The following BABAM2 variants were observed in gnomAD, a reference collection of about 807,000 sequenced individuals.
BABAM2 encodes the protein BRISC and BRCA1 A complex member 2, also known as BRISC and BRCA1-A complex member 2.
A neutral mutation model predicts 54.7 loss-of-function variants in BABAM2; 31 were observed. The ratio of observed to expected loss-of-function variants is 0.57; its 90% CI spans 0.43 to 0.77. The LOEUF is 0.77. BABAM2 is among the 30% of genes least tolerant of loss of function. BABAM2 has a pLI of 0.00. For synonymous variants in BABAM2, 167 were observed against 162.9 expected, an observed-to-expected ratio of 1.03 and a Z score of -0.19; for missense variants, 364 against 455.8, an observed-to-expected ratio of 0.80 and a Z score of 1.83.
At chr2:27,899,536 G>A (rs1004910221) in intron 2 of BABAM2, among the ~76,000 whole-genome samples, 6 of 151,426 alleles carry the variant, frequency 4.0e-5, no homozygotes, top group African/African-American at 9.7e-5. Flanking sequence ...GGGCAATGGC[G>A]CGATCTTGGC....
At chr2:28,251,280 A>G (rs1322974359) in intron 10 of BABAM2, among the ~76,000 whole-genome samples, 3 of 152,170 alleles carry the variant, frequency 2.0e-5, no homozygotes, top group Non-Finnish European at 1.5e-5. Context: ...GAAATCAACA[A>G]CTTCAGACTA....
At chr2:27,928,601 A>T (rs950816557) in intron 2 of BABAM2, among the ~76,000 whole-genome samples, 1 of 152,142 alleles carries the variant, frequency 6.6e-6, no homozygotes, top group African/African-American at 2.4e-5. Flanking sequence ...GAAGTTGTAC[A>T]TTTATTTCAA....
At chr2:28,018,462 G>A (rs1675008981) in intron 4 of BABAM2, among the ~76,000 whole-genome samples, 2 of 152,166 alleles carry the variant, frequency 1.3e-5, no homozygotes, top group African/African-American at 4.8e-5. Flanking sequence ...GCTGCTGTAA[G>A]CATGCATGTG....
At chr2:28,017,784 T>G (rs1461494761) in intron 4 of BABAM2, among the ~76,000 whole-genome samples, 1 of 152,228 alleles carries the variant, frequency 6.6e-6, no homozygotes, top group African/African-American at 2.4e-5. Flanking sequence ...GTGTGGCCTT[T>G]AGGTCTGGCT....
intron 11 of BABAM2, chr2:28,327,132 A>C: frequency 1.2e-6 from 1 of 842,712 alleles, no homozygotes; most frequent in East Asian, 2.6e-5. Flanking sequence ...AGATGCGTGC[A>C]TACATCTGTG....
At chr2:27,938,114 T>C (rs1334714480) in intron 3 of BABAM2, among the ~76,000 whole-genome samples, 1 of 152,186 alleles carries the variant, frequency 6.6e-6, no homozygotes, top group Non-Finnish European at 1.5e-5. Context: ...CAGTTAGCTG[T>C]AGAAGCGTGG....
At chr2:28,317,151 C>A (rs1662330007) in intron 11 of BABAM2, among the ~76,000 whole-genome samples, 1 of 152,206 alleles carries the variant, frequency 6.6e-6, no homozygotes, top group Non-Finnish European at 1.5e-5. Context: ...GCTAATGGCA[C>A]TTTCTCTACC....
intron 6 of BABAM2, among the ~76,000 whole-genome samples, chr2:28,052,545 C>T (rs1006050762): frequency 3.9e-5 from 6 of 151,976 alleles, no homozygotes; most frequent in African/African-American, 1.4e-4. Context: ...GCCTGGGTCT[C>T]CCAAAGTGCT....
chr2:28,161,960 A>G (rs1037921861), intron 7 of BABAM2, among the ~76,000 whole-genome samples: 4 of 152,212 alleles, frequency 2.6e-5, no homozygotes, highest in African/African-American at 9.6e-5. Context: ...CATTTGAAAC[A>G]TGATTCACTA....
intron 9 of BABAM2, 109 bp downstream of exon 9, chr2:28,241,502 C>CTTT: frequency 9.8e-6 from 8 of 812,538 alleles, no homozygotes; most frequent in Middle Eastern, 2.5e-4. Flanking sequence ...CACATGATAC[C>CTTT]TTTTTTTTTT....
At chr2:28,187,088 A>C (rs1676390158) in intron 7 of BABAM2, among the ~76,000 whole-genome samples, 1 of 152,176 alleles carries the variant, frequency 6.6e-6, no homozygotes, top group Non-Finnish European at 1.5e-5. Context: ...TGCAGGCGTG[A>C]GCCACCGCGC....
intron 6 of BABAM2, among the ~76,000 whole-genome samples, chr2:28,069,939 A>G (rs937947082): frequency 3.3e-5 from 5 of 152,170 alleles, no homozygotes; most frequent in Non-Finnish European, 7.3e-5. Context: ...CAGAGGTTTA[A>G]TTCATAGCTC....
chr2:28,268,366 G>A (rs930687711), intron 10 of BABAM2, among the ~76,000 whole-genome samples: 3 of 152,166 alleles, frequency 2.0e-5, no homozygotes, highest in African/African-American at 2.4e-5. Flanking sequence ...TCTGGAGAGA[G>A]AGGCAGGGAG....
intron 7 of BABAM2, among the ~76,000 whole-genome samples, chr2:28,222,571 C>T (rs4665406): frequency 0.38 from 57,942 of 152,020 alleles, 12,574 homozygotes; most frequent in East Asian, 0.99. Flanking sequence ...TTTGCATTCC[C>T]CTTTGTGCTA....
chr2:27,922,291 C>T (rs1388234371), intron 2 of BABAM2, among the ~76,000 whole-genome samples: 1 of 152,134 alleles, frequency 6.6e-6, no homozygotes, highest in Non-Finnish European at 1.5e-5. Context: ...TATAACATAG[C>T]GCTTGACACT....
chr2:28,233,155 C>T (rs1310356903), intron 7 of BABAM2: 4 of 470,290 alleles, frequency 8.5e-6, no homozygotes, highest in Non-Finnish European at 8.8e-6. Context: ...TAAGCCTGAG[C>T]CCTTGCCACA....
At chr2:28,156,882 T>C (rs1431964372) in intron 7 of BABAM2, among the ~76,000 whole-genome samples, 1 of 152,202 alleles carries the variant, frequency 6.6e-6, no homozygotes, top group Non-Finnish European at 1.5e-5. Flanking sequence ...GTATTACAAA[T>C]TTTTAAATGG....
intron 3 of BABAM2, among the ~76,000 whole-genome samples, chr2:27,977,398 G>A (rs575305904): frequency 2.3e-4 from 35 of 152,248 alleles, no homozygotes; most frequent in African/African-American, 8.4e-4. Context: ...GGTAAATCTA[G>A]CGATACTGAA....
At chr2:27,982,372 G>C (rs1467228018) in intron 3 of BABAM2, among the ~76,000 whole-genome samples, 1 of 152,000 alleles carries the variant, frequency 6.6e-6, no homozygotes, top group East Asian at 1.9e-4. Flanking sequence ...ATCTATTTTT[G>C]TTGTTGTTGC....
Sources: allele counts gnomAD v4.1 joint callset (sites outside exome capture counted in the v4.1 genomes callset), GRCh38; gene constraint gnomAD v4.1.1; transcripts MANE v1.5; gene names NCBI Gene and HGNC (gene_info 2026-07-23, HGNC 2026-07-21).